Variants in MYO18B observed in about 807,000 individuals in gnomAD.
MYO18B encodes unconventional myosin-XVIIIb.
MYO18B carries 204 observed loss-of-function variants against 273.0 expected under a neutral mutation model. The observed-to-expected ratio is 0.75, with a 90% CI of 0.67 to 0.84. The LOEUF (loss-of-function observed/expected upper bound fraction) is 0.84. Ranked by LOEUF, MYO18B falls within the 40% of genes least tolerant of loss-of-function variation. The pLI is 0.00. For synonymous variants in MYO18B, 1,330 were observed against 1,305.7 expected, an observed-to-expected ratio of 1.02 and a Z score of -0.40; for missense variants, 3,212 against 3,287.6, an observed-to-expected ratio of 0.98 and a Z score of 0.56.
In MYO18B at chr22:25,946,131, G is replaced by T; in HGVS notation, c.5518-6G>T. ...TCTTCTCTTCTCCACCTCTTGCCTGGTCCAGCTGGAGCAGAGTGAAGCCAA... is the reference window on the plus strand; with the variant it reads ...TCTTCTCTTCTCCACCTCTTGCCTGTTCCAGCTGGAGCAGAGTGAAGCCAA... On this transcript the variant is annotated splice_polypyrimidine_tract_variant and splice_region_variant and intron_variant, in intron 34 of 43. Coordinates refer to ENST00000335473, the MANE Select transcript of MYO18B (RefSeq NM_032608.7). The T allele has an allele frequency of 6.6e-7, 1 of 1,512,596 alleles. No individual in the cohort carries two copies. Among genetic ancestry groups the T allele is most frequent in the Non-Finnish European group, 8.8e-7 (1 of 1,130,966 alleles). 93.7% of individuals were successfully genotyped at this position (1,512,596 alleles called of 1,614,324 possible). A position where few individuals can be genotyped will look rare whatever the true frequency, so the allele number is the denominator to read the frequency against.
At chr22:25,996,498 A>G (rs1438881547) in intron 40 of MYO18B, among the ~76,000 whole-genome samples, 3 of 152,178 alleles carry the variant, frequency 2.0e-5, no homozygotes, top group African/African-American at 7.2e-5. Context: ...TTGCTGAGGA[A>G]TAGAGAGGGA....
chr22:26,030,547 C>T lies in MYO18B; in HGVS notation c.*117C>T, dbSNP rs555192106. Reference sequence around the variant, plus strand: ...GCCAGAGCCAGCCAGCATGGCCACCCTCAAGAGGCGAGATGAGCCCACAGA... The same window carrying T: ...GCCAGAGCCAGCCAGCATGGCCACCTTCAAGAGGCGAGATGAGCCCACAGA... On this transcript the variant is annotated 3_prime_UTR_variant, in exon 44 of 44. Coordinates refer to ENST00000335473, the MANE Select transcript of MYO18B (RefSeq NM_032608.7). 2.8e-5 allele frequency: 5 copies of T among 181,754 alleles called. No homozygotes were observed. The highest frequency in any genetic ancestry group is 4.6e-5 in the Non-Finnish European group (4 of 87,454). The allele number at this position is 181,754 out of a possible 1,614,324, so 11.3% of individuals were successfully genotyped here.
intron 42 of MYO18B, among the ~76,000 whole-genome samples, chr22:26,025,080 C>T (rs1936137299): frequency 6.6e-6 from 1 of 152,124 alleles, no homozygotes; most frequent in African/African-American, 2.4e-5. Context: ...CCCAAAAGCC[C>T]CACCTCCTAA....
chr22:25,872,979 G>C (rs16980926), intron 22 of MYO18B, among the ~76,000 whole-genome samples: 4,545 of 152,276 alleles, frequency 0.03, 240 homozygotes, highest in African/African-American at 0.1. Context: ...GTCACTGACT[G>C]AAATCCCACC....
chr22:25,827,469 G>A (rs1468251431), intron 14 of MYO18B, among the ~76,000 whole-genome samples: 1 of 152,212 alleles, frequency 6.6e-6, no homozygotes, highest in Non-Finnish European at 1.5e-5. Flanking sequence ...AATGCACTGA[G>A]CCCATGCTTG....
intron 19 of MYO18B, among the ~76,000 whole-genome samples, chr22:25,846,568 C>T (rs960737546): frequency 3.3e-5 from 5 of 152,198 alleles, no homozygotes; most frequent in African/African-American, 9.7e-5. Context: ...CTATGAATGC[C>T]CTCTTGACTC....
intron 35 of MYO18B, among the ~76,000 whole-genome samples, chr22:25,947,405 A>T (rs375430601): frequency 5.9e-4 from 90 of 151,678 alleles, no homozygotes; most frequent in African/African-American, 2.1e-3. Flanking sequence ...AAATGTGCAC[A>T]CATAGATTCC....
Position 25,952,270 on chromosome 22 carries a change from T to A in MYO18B, c.5833-16T>A. On this transcript the variant is annotated splice_polypyrimidine_tract_variant and intron_variant, in intron 37 of 43. Transcript: ENST00000335473. ...AGGGACAACAGATGTCCAATAGACT[T>A]CTCTCATACTTACAGCTGCAGGTGG... The A allele has an allele frequency of 1.9e-6, 3 of 1,606,340 alleles. No individual in the cohort carries two copies. Among genetic ancestry groups the A allele is most frequent in the Non-Finnish European group, 2.5e-6 (3 of 1,176,906 alleles).
intron 11 of MYO18B, among the ~76,000 whole-genome samples, chr22:25,795,476 G>T (rs2087868541): frequency 6.6e-6 from 1 of 152,162 alleles, no homozygotes; most frequent in Non-Finnish European, 1.5e-5. Flanking sequence ...CAAGCTACCT[G>T]GTAGATGGTG....
intron 20 of MYO18B, among the ~76,000 whole-genome samples, chr22:25,849,577 A>T (rs1334246883): frequency 7.9e-5 from 12 of 152,192 alleles, no homozygotes; most frequent in Admixed American, 7.9e-4. Flanking sequence ...ATACTAAATG[A>T]GATCATTTTT....
At chr22:26,011,169 G>A (rs1039655084) in intron 42 of MYO18B, among the ~76,000 whole-genome samples, 12 of 151,426 alleles carry the variant, frequency 7.9e-5, no homozygotes, top group Non-Finnish European at 1.3e-4. Flanking sequence ...TGTCTTCTAT[G>A]TTGGTTTCCT....
intron 39 of MYO18B, among the ~76,000 whole-genome samples, chr22:25,974,678 C>A (rs1401753722): frequency 6.6e-6 from 1 of 152,156 alleles, no homozygotes; most frequent in African/African-American, 2.4e-5. Flanking sequence ...AGGCAGGAGG[C>A]CAGATTTGAC....
chr22:25,813,272 C>T (rs1256445322), intron 12 of MYO18B, among the ~76,000 whole-genome samples: 1 of 151,450 alleles, frequency 6.6e-6, no homozygotes. Flanking sequence ...GCAACCTCCA[C>T]CTCCTGGGTT....
chr22:25,994,214 C>T (rs984237618), intron 40 of MYO18B, among the ~76,000 whole-genome samples: 3 of 152,172 alleles, frequency 2.0e-5, no homozygotes, highest in Non-Finnish European at 4.4e-5. Flanking sequence ...CACATGTAAT[C>T]CCAGCACTTT....
rs765079477 is a variant in MYO18B, at chr22:25,763,235, G to A, written c.44G>A (p.Arg15Gln). Residue 15 changes from arginine to glutamine, a missense_variant, in exon 3 of 44, where the codon CGG (arginine) becomes CAG (glutamine). By Grantham distance (43) the Arg-to-Gln change is conservative. Transcript: ENST00000335473. Reference protein sequence around the residue: ...SRLALWEQKIREEDKSPPPSS... With the variant: ...SRLALWEQKIQEEDKSPPPSS... ...TTCCTTGCTTCTGCAAAACAGATTC[G>A]GGAAGAGGACAAGAGCCCTCCACCA... The A allele has an allele frequency of 1.2e-5, 20 of 1,607,660 alleles. No individual in the cohort carries two copies. Among genetic ancestry groups the A allele is most frequent in the South Asian group, 5.5e-5 (5 of 90,812 alleles).
chr22:25,926,485 A>G (rs2092423117), intron 34 of MYO18B, among the ~76,000 whole-genome samples: 1 of 152,044 alleles, frequency 6.6e-6, no homozygotes, highest in African/African-American at 2.4e-5. Context: ...GGGTTTCACC[A>G]TCTTGGCCAG....
chr22:26,014,529 C>T (rs1601834412), intron 42 of MYO18B, among the ~76,000 whole-genome samples: 1 of 152,320 alleles, frequency 6.6e-6, no homozygotes, highest in Non-Finnish European at 1.5e-5. Context: ...GCTTTGATGG[C>T]TTCCCACTGT....
Position 25,755,763 on chromosome 22 carries a change from C to T in MYO18B, c.-109-5221C>T, listed in dbSNP as rs775920100. ...CCCTCCTCCCTCTCTCTGTCTCTCG[C>T]TCCCTCTCTCATCACGTGATGCCAG... On this transcript the variant is annotated intron_variant, in intron 1 of 43. Coordinates refer to ENST00000335473, the MANE Select transcript of MYO18B (RefSeq NM_032608.7). 4.3e-4 allele frequency among the ~76,000 whole-genome samples: 65 copies of T among 152,302 alleles called. 1 individual carries two copies. Among genetic ancestry groups the T allele is most frequent in the Non-Finnish European group, 3.8e-4 (26 of 68,034 alleles).
intron 14 of MYO18B, among the ~76,000 whole-genome samples, chr22:25,827,973 C>T (rs2089556308): frequency 6.6e-6 from 1 of 152,194 alleles, no homozygotes; most frequent in Admixed American, 6.5e-5. Flanking sequence ...TTATTATCCC[C>T]ATTTTATAGT....
Sources: gnomAD v4.1 joint callset for allele counts (sites outside exome capture counted in the v4.1 genomes callset) on GRCh38, gnomAD v4.1.1 for gene constraint, MANE v1.5 for transcripts, NCBI Gene and HGNC (gene_info 2026-07-23, HGNC 2026-07-21) for gene names.